WDR27: variants seen among roughly 807,000 people sequenced by gnomAD.
WDR27 encodes WD repeat-containing protein 27.
Under a neutral mutation model 114.4 loss-of-function variants are expected in WDR27, and 100 were observed. That is an observed-to-expected ratio of 0.87 (90% CI 0.74 to 1.03). WDR27 has a LOEUF of 1.03. Ranked by LOEUF, WDR27 falls within the 50% of genes least tolerant of loss-of-function variation. The probability of loss-of-function intolerance (pLI) is 0.00; values close to 1 mark genes in which losing one functional copy is unlikely to be tolerated. For missense variants in WDR27, 1,129 were observed against 1,092.9 expected (o/e 1.03, Z -0.47); for synonymous variants, 449 against 423.1 (o/e 1.06, Z -0.75).
chr6:169,442,701 C>T, the WDR27 span, among the ~76,000 whole-genome samples: 2 of 152,150 alleles, frequency 1.3e-5, no homozygotes, highest in Non-Finnish European at 2.9e-5. Flanking sequence ...GGCACATAAC[C>T]GAGTGGGACC....
At chr6:169,690,982 G>A (rs565111804) in intron 1 of WDR27, among the ~76,000 whole-genome samples, 2 of 152,160 alleles carry the variant, frequency 1.3e-5, no homozygotes, top group South Asian at 2.1e-4. Context: ...TTGGGAGGCC[G>A]AGGCGGGCGG....
intron 23 of WDR27, 28 bp downstream of exon 23, chr6:169,602,191 C>T (rs1196257579): frequency 1.3e-6 from 2 of 1,482,284 alleles, no homozygotes; most frequent in African/African-American, 1.4e-5. Flanking sequence ...AGACTCTCTA[C>T]ATTTATAGAC....
At chr6:169,478,933 G>A (rs1043809073) in intron 25 of WDR27, among the ~76,000 whole-genome samples, 2 of 152,164 alleles carry the variant, frequency 1.3e-5, no homozygotes, top group Middle Eastern at 3.2e-3. Flanking sequence ...AGATTTAAAC[G>A]TAAGACTGTA....
At position 169,701,993 on chromosome 6, in the gene WDR27, G is replaced by T. The variant is rs1483587972; in HGVS notation, c.-450C>A. ...ACTCCGCCCCACGCTCGCCGCTATG[G>T]TTACTTGCCAGCCGACCCACGCGAG... On this transcript the variant is annotated 5_prime_UTR_variant, in exon 1 of 26. Transcript: ENST00000448612. 1 of 416,486 alleles carries T rather than the reference G, an allele frequency of 2.4e-6. No homozygotes were observed. The highest frequency in any genetic ancestry group is 7.2e-5 in the East Asian group (1 of 13,858). The allele number at this position is 416,486 out of a possible 1,614,324, so 25.8% of individuals were successfully genotyped here.
In WDR27 at chr6:169,474,964, T is replaced by G. The variant is rs114673951; in HGVS notation, c.2646-17330A>C. Among the ~76,000 whole-genome samples, 684 of 152,222 alleles carry G rather than the reference T, an allele frequency of 4.5e-3. 7 individuals are homozygous for G. The highest frequency in any genetic ancestry group is 0.016 in the African/African-American group (652 of 41,534). ...TTAGTGTTCAGTGAGGTACAACAAG[T>G]GTAGAGAAGAGCCCCCAGTGACTCT... On this transcript the variant is annotated intron_variant, in intron 25 of 25. Coordinates refer to ENST00000448612, the MANE Select transcript of WDR27 (RefSeq NM_182552.5).
intron 10 of WDR27, 94 bp downstream of exon 10, chr6:169,660,569 A>G: frequency 2.0e-6 from 2 of 1,023,030 alleles, no homozygotes; most frequent in Non-Finnish European, 3.0e-6. Flanking sequence ...TCAGATTCAC[A>G]CGGCAAGGCC....
intron 25 of WDR27, among the ~76,000 whole-genome samples, chr6:169,544,457 G>C (rs980535513): frequency 1.6e-5 from 2 of 122,936 alleles, no homozygotes; most frequent in African/African-American, 6.2e-5. Flanking sequence ...TTGTTTGTTT[G>C]AGATGGAGTC....
intron 21 of WDR27, among the ~76,000 whole-genome samples, chr6:169,621,250 CCACA>C (rs1192466854): frequency 6.6e-6 from 1 of 151,092 alleles, no homozygotes; most frequent in African/African-American, 2.4e-5. Flanking sequence ...ATATACATAC[CCACA>C]CATACATTCA....
intron 21 of WDR27, among the ~76,000 whole-genome samples, chr6:169,621,666 G>A (rs575428146): frequency 2.9e-4 from 38 of 129,970 alleles, no homozygotes; most frequent in South Asian, 1.5e-3. Context: ...ATTCATTCAC[G>A]CATATACATA....
intron 25 of WDR27, among the ~76,000 whole-genome samples, chr6:169,531,724 G>A (rs941085772): frequency 6.6e-6 from 1 of 150,762 alleles, no homozygotes; most frequent in African/African-American, 2.4e-5. Flanking sequence ...TGCGATCTCA[G>A]CTCACTGCAA....
chr6:169,697,684 TTCTC>T (rs916395143), intron 1 of WDR27, among the ~76,000 whole-genome samples: 51 of 152,314 alleles, frequency 3.3e-4, no homozygotes, highest in African/African-American at 1.2e-3. Context: ...TGTAAGTTGT[TTCTC>T]TCTGTCTCCT....
chr6:169,568,237 C>G (rs1800816919), intron 25 of WDR27, among the ~76,000 whole-genome samples: 1 of 152,110 alleles, frequency 6.6e-6, no homozygotes, highest in Non-Finnish European at 1.5e-5. Context: ...CACCACCCAG[C>G]CAGAAAGCCC....
intron 21 of WDR27, among the ~76,000 whole-genome samples, chr6:169,616,656 T>C (rs1439564177): frequency 6.6e-6 from 1 of 152,092 alleles, no homozygotes; most frequent in Admixed American, 6.5e-5. Flanking sequence ...TGGGCAAACA[T>C]GTACCAAATA....
the WDR27 span, among the ~76,000 whole-genome samples, chr6:169,444,281 G>A: frequency 2.6e-5 from 4 of 152,114 alleles, no homozygotes; most frequent in Non-Finnish European, 5.9e-5. Flanking sequence ...CCAAATAACT[G>A]CCCTATATAT....
intron 25 of WDR27, among the ~76,000 whole-genome samples, chr6:169,464,400 C>T (rs529682820): frequency 5.9e-4 from 90 of 152,038 alleles, no homozygotes; most frequent in Non-Finnish European, 9.3e-4. Flanking sequence ...GCATCAAAGA[C>T]GTAAATGTGA....
At chr6:169,567,975 C>G (rs1430730055) in intron 25 of WDR27, among the ~76,000 whole-genome samples, 2 of 152,212 alleles carry the variant, frequency 1.3e-5, no homozygotes, top group Non-Finnish European at 2.9e-5. Flanking sequence ...GCTGAGAACA[C>G]AGCGCAGAAA....
chr6:169,526,854 T>C (rs1270903533), intron 25 of WDR27, among the ~76,000 whole-genome samples: 3 of 152,170 alleles, frequency 2.0e-5, no homozygotes, highest in South Asian at 4.1e-4. Flanking sequence ...ATAATTTGAA[T>C]AGACATTTCT....
intron 22 of WDR27, among the ~76,000 whole-genome samples, chr6:169,604,455 G>GA (rs1160652262): frequency 3.3e-5 from 5 of 151,694 alleles, no homozygotes; most frequent in Non-Finnish European, 7.4e-5. Flanking sequence ...ACTGAATCAA[G>GA]AAAAAAAGTC....
intron 21 of WDR27, among the ~76,000 whole-genome samples, chr6:169,615,096 TAAAA>T (rs1811484571): frequency 6.6e-6 from 1 of 151,856 alleles, no homozygotes; most frequent in South Asian, 2.1e-4. Context: ...AGCGAAGAAA[TAAAA>T]AATGTGGAAG....
Sources: allele counts gnomAD v4.1 joint callset (sites outside exome capture counted in the v4.1 genomes callset), GRCh38; gene constraint gnomAD v4.1.1; transcripts MANE v1.5; gene names NCBI Gene and HGNC (gene_info 2026-07-23, HGNC 2026-07-21).